PLEKHM3: variants seen among roughly 807,000 people sequenced by gnomAD.
PLEKHM3 encodes pleckstrin homology domain containing M3, also known as pleckstrin homology domain-containing family M member 3.
A neutral mutation model predicts 81.8 loss-of-function variants in PLEKHM3; 45 were observed. The ratio of observed to expected loss-of-function variants is 0.55; its 90% CI spans 0.43 to 0.71. The LOEUF (loss-of-function observed/expected upper bound fraction) is 0.71, where lower values mean the gene tolerates loss of function less well. Among genes scored for constraint, PLEKHM3 ranks in the 30% least tolerant of loss-of-function variants. PLEKHM3 has a pLI of 0.00. For synonymous variants in PLEKHM3, 352 were observed against 356.4 expected, an observed-to-expected ratio of 0.99 and a Z score of 0.14; for missense variants, 788 against 924.3, an observed-to-expected ratio of 0.85 and a Z score of 1.91.
intron 6 of PLEKHM3, among the ~76,000 whole-genome samples, chr2:207,895,003 G>C (rs1688176775): frequency 6.6e-6 from 1 of 152,160 alleles, no homozygotes; most frequent in Non-Finnish European, 1.5e-5. Context: ...CTGGCCTAAA[G>C]TAAGCACTCA....
At chr2:207,866,647 GT>G (rs1372138945) in intron 6 of PLEKHM3, among the ~76,000 whole-genome samples, 4 of 152,156 alleles carry the variant, frequency 2.6e-5, no homozygotes, top group Admixed American at 1.3e-4. Flanking sequence ...TGTACCTCCT[GT>G]TGTGAGCAAA....
In PLEKHM3 at chr2:207,996,787, A is replaced by C. The variant is rs189782535; in HGVS notation, c.610+4243T>G. Among the ~76,000 whole-genome samples the C allele has an allele frequency of 1.3e-3, 195 of 151,632 alleles. 1 individual carries two copies. The highest frequency in any genetic ancestry group is 4.5e-3 in the African/African-American group (185 of 41,382). On this transcript the variant is annotated intron_variant, in intron 2 of 7. Transcript: ENST00000427836. ...TTTATTATGAGGCCCATTTTATAAC[A>C]AAAAAAAACTTGAAATGCTTGTTAG...
intron 3 of PLEKHM3, among the ~76,000 whole-genome samples, chr2:207,969,958 A>G (rs1199166816): frequency 6.6e-6 from 1 of 152,206 alleles, no homozygotes; most frequent in Non-Finnish European, 1.5e-5. Flanking sequence ...TCCCACAAAT[A>G]AAGAACTAAA....
At chr2:207,948,705 G>A (rs1348223060) in intron 3 of PLEKHM3, among the ~76,000 whole-genome samples, 3 of 152,042 alleles carry the variant, frequency 2.0e-5, no homozygotes, top group African/African-American at 7.2e-5. Flanking sequence ...CACCACGCCC[G>A]GCTAATTTTT....
chr2:208,012,024 T>C (rs900263923), intron 1 of PLEKHM3, among the ~76,000 whole-genome samples: 1 of 151,552 alleles, frequency 6.6e-6, no homozygotes, highest in Non-Finnish European at 1.5e-5. Flanking sequence ...TCTCGAACTC[T>C]GATAAACTTC....
intron 6 of PLEKHM3, among the ~76,000 whole-genome samples, chr2:207,890,783 T>G (rs2105870618): frequency 6.6e-6 from 1 of 152,338 alleles, no homozygotes; most frequent in East Asian, 1.9e-4. Context: ...TATTTTTGCT[T>G]CTTCTATTAG....
Position 207,976,633 on chromosome 2 carries a change from T to C in PLEKHM3, c.1546+18A>G, listed in dbSNP as rs756185331. On this transcript the variant is annotated intron_variant, in intron 3 of 7. Transcript: ENST00000427836. The surrounding 1 kb of genome is among the most constrained non-coding windows in gnomAD (Gnocchi z 4.1). ...GATTGTTCTTTAATGAGCTATAGGCTGAAAATCTGCTTCATACCTGCACAT... is the reference window on the plus strand; with the variant it reads ...GATTGTTCTTTAATGAGCTATAGGCCGAAAATCTGCTTCATACCTGCACAT... The C allele has an allele frequency of 6.9e-6, 11 of 1,602,850 alleles. No individual in the cohort carries two copies. The Admixed American group carries it at 1.9e-4, about 27-fold the overall frequency.
At chr2:207,849,279 A>G (rs1189240308) in intron 7 of PLEKHM3, among the ~76,000 whole-genome samples, 3 of 152,058 alleles carry the variant, frequency 2.0e-5, no homozygotes, top group African/African-American at 4.8e-5. Context: ...GGTTGCAGTG[A>G]GCCGAGATCC....
At chr2:207,839,119 T>C (rs1348496642) in intron 7 of PLEKHM3, among the ~76,000 whole-genome samples, 1 of 152,066 alleles carries the variant, frequency 6.6e-6, no homozygotes, top group African/African-American at 2.4e-5. Context: ...TAAAAAGAAA[T>C]AATAATGTAA....
At chr2:207,995,927 A>T (rs1052277682) in intron 2 of PLEKHM3, among the ~76,000 whole-genome samples, 13 of 152,308 alleles carry the variant, frequency 8.5e-5, no homozygotes, top group African/African-American at 3.1e-4. Flanking sequence ...AACACAATCA[A>T]GGAACAGAGA....
At position 207,824,500 on chromosome 2, in the gene PLEKHM3, G is replaced by A. The variant is rs1295649445; in HGVS notation, c.*3819C>T. 1 of 152,224 alleles carries A rather than the reference G, an allele frequency of 6.6e-6. No individual in the cohort carries two copies. Among genetic ancestry groups the A allele is most frequent in the African/African-American group, 2.4e-5 (1 of 41,450 alleles). 9.4% of individuals were successfully genotyped at this position (152,224 alleles called of 1,614,324 possible). On this transcript the variant is annotated 3_prime_UTR_variant, in exon 8 of 8. Coordinates refer to ENST00000427836, the MANE Select transcript of PLEKHM3 (RefSeq NM_001080475.3). Reference sequence around the variant, plus strand: ...TGACTCTAAAGGAGGACCAGAATGTGTCTCTACTTCCACTGCTAACGCCCC... The same window carrying A: ...TGACTCTAAAGGAGGACCAGAATGTATCTCTACTTCCACTGCTAACGCCCC...
chr2:207,955,328 A>C (rs1690467130), intron 3 of PLEKHM3, among the ~76,000 whole-genome samples: 1 of 152,180 alleles, frequency 6.6e-6, no homozygotes, highest in African/African-American at 2.4e-5. Context: ...TTTTTTTCCT[A>C]ACAGTCTATG....
At chr2:207,995,003 G>A (rs59206831) in intron 2 of PLEKHM3, among the ~76,000 whole-genome samples, 8,906 of 152,186 alleles carry the variant, frequency 0.059, 736 homozygotes, top group African/African-American at 0.19. Flanking sequence ...CGTTCTGCGC[G>A]TGTATCACAG....
chr2:207,830,825 C>T (rs541839773), intron 7 of PLEKHM3, among the ~76,000 whole-genome samples: 1 of 152,120 alleles, frequency 6.6e-6, no homozygotes, highest in Admixed American at 6.5e-5. Flanking sequence ...GAGGCCTCTC[C>T]AGAAACCAAC....
At chr2:208,011,434 A>T (rs1452988283) in intron 1 of PLEKHM3, among the ~76,000 whole-genome samples, 1 of 152,124 alleles carries the variant, frequency 6.6e-6, no homozygotes, top group East Asian at 1.9e-4. Flanking sequence ...CAGCCATAAA[A>T]AGGAATCAAT....
chr2:207,947,512 G>A (rs937841285), intron 3 of PLEKHM3, among the ~76,000 whole-genome samples: 2 of 152,172 alleles, frequency 1.3e-5, no homozygotes, highest in African/African-American at 4.8e-5. Flanking sequence ...ACAAAATCCT[G>A]GCAGATCCAG....
At chr2:207,924,149 C>G (rs2105927892) in intron 5 of PLEKHM3, among the ~76,000 whole-genome samples, 1 of 151,166 alleles carries the variant, frequency 6.6e-6, no homozygotes, top group Admixed American at 6.6e-5. Context: ...AGGTGATCTG[C>G]CCACCTCGGC....
chr2:207,946,256 C>T (rs1690124669), intron 4 of PLEKHM3, 111 bp downstream of exon 4: 2 of 1,252,010 alleles, frequency 1.6e-6, no homozygotes, highest in Admixed American at 2.2e-5. Context: ...TTTTATGAGA[C>T]TACCTAATCA....
At chr2:207,918,662 T>C (rs939769354) in intron 5 of PLEKHM3, among the ~76,000 whole-genome samples, 1 of 152,212 alleles carries the variant, frequency 6.6e-6, no homozygotes, top group Non-Finnish European at 1.5e-5. Context: ...TTTCTTATTT[T>C]TGTTTTCTAT....
Sources: gnomAD v4.1 joint callset for allele counts (sites outside exome capture counted in the v4.1 genomes callset) on GRCh38, gnomAD v4.1.1 for gene constraint, Gnocchi (gnomAD v3.1) non-coding constraint, MANE v1.5 for transcripts, NCBI Gene and HGNC (gene_info 2026-07-23, HGNC 2026-07-21) for gene names.